The following ABCA9 variants were observed in gnomAD, a reference collection of about 807,000 sequenced individuals.
ABCA9 encodes ATP binding cassette subfamily A member 9.
A neutral mutation model predicts 205.3 loss-of-function variants in ABCA9; 183 were observed. The observed-to-expected ratio is 0.89, with a 90% CI of 0.79 to 1.01. The LOEUF (loss-of-function observed/expected upper bound fraction) is 1.01, where lower values mean the gene tolerates loss of function less well. Ranked by LOEUF, ABCA9 falls within the 50% of genes least tolerant of loss-of-function variation. The pLI, the probability that ABCA9 is intolerant of heterozygous loss-of-function variation, is 0.00. For missense variants in ABCA9, 1,805 were observed against 1,912.4 expected, an observed-to-expected ratio of 0.94 and a Z score of 1.05; for synonymous variants, 651 against 683.3, an observed-to-expected ratio of 0.95 and a Z score of 0.74.
Position 68,986,189 on chromosome 17 carries a change from C to T in ABCA9, c.4183G>A (p.Gly1395Arg). ...VYAAVKGLRK[G>R]DAMIAITRLV... ...CGTGTGATGGCGATCATTGCGTCCC[C>T]TTTCCTGAGACCTTTCACGGCAGCG... Residue 1395 changes from glycine (G) to arginine (R), a missense_variant, in exon 32 of 39, where the codon GGG (glycine) becomes AGG (arginine). By Grantham distance (125) the Gly-to-Arg change is moderately radical. Coordinates refer to ENST00000340001, the MANE Select transcript of ABCA9 (RefSeq NM_080283.4). The T allele has an allele frequency of 6.2e-7, 1 of 1,612,738 alleles. No homozygotes were observed. Among genetic ancestry groups the T allele is most frequent in the Non-Finnish European group, 8.5e-7 (1 of 1,179,388 alleles).
At chr17:69,068,597 A>G in the ABCA9 span, among the ~76,000 whole-genome samples, 1 of 152,208 alleles carries the variant, frequency 6.6e-6, no homozygotes, top group African/African-American at 2.4e-5. Context: ...GCAAAGGCTG[A>G]TTGACAAACC....
At chr17:69,067,746 C>T in the ABCA9 span, among the ~76,000 whole-genome samples, 9 of 152,186 alleles carry the variant, frequency 5.9e-5, no homozygotes, top group Admixed American at 5.9e-4. Flanking sequence ...TAAGCCTGGG[C>T]TCCTCAAACA....
At chr17:69,067,445 G>A in the ABCA9 span, among the ~76,000 whole-genome samples, 2 of 151,826 alleles carry the variant, frequency 1.3e-5, no homozygotes, top group African/African-American at 2.4e-5. Flanking sequence ...CTACTCTGGA[G>A]GCTGAGGTGG....
Position 69,035,230 on chromosome 17 carries a change from TTA to T in ABCA9, c.1128+14_1128+15del. 6.6e-7 allele frequency: 1 copy of T among 1,511,606 alleles called. No homozygotes were observed. The highest frequency in any genetic ancestry group is 1.4e-5 in the South Asian group (1 of 71,212). The allele number at this position is 1,511,606 out of a possible 1,614,324, so 93.6% of individuals were successfully genotyped here. On this transcript the variant is annotated intron_variant, in intron 8 of 38. Coordinates refer to ENST00000340001, the MANE Select transcript of ABCA9 (RefSeq NM_080283.4). ...GAACGGTTTGTAAAAAGTGAAAGTG[TTA>T]CCTTAACTCTTACCTGGGCCATCCC... is the stretch of plus-strand genomic sequence containing the variant.
chr17:68,995,648 A>G (rs2144065603), intron 26 of ABCA9, among the ~76,000 whole-genome samples: 1 of 152,222 alleles, frequency 6.6e-6, no homozygotes, highest in South Asian at 2.1e-4. Context: ...CCCAGCAGTG[A>G]GAGTTATCAT....
At chr17:69,060,231 G>T (rs1598423783) in intron 1 of ABCA9, among the ~76,000 whole-genome samples, 1 of 152,020 alleles carries the variant, frequency 6.6e-6, no homozygotes, top group Non-Finnish European at 1.5e-5. Context: ...AGCTTAAATT[G>T]TTCTGAATAG....
intron 31 of ABCA9, among the ~76,000 whole-genome samples, chr17:68,988,141 G>A (rs1020945731): frequency 6.6e-5 from 10 of 152,164 alleles, no homozygotes; most frequent in African/African-American, 2.4e-4. Flanking sequence ...AACCTCTGTA[G>A]CATTGAACGC....
At position 68,974,754 on chromosome 17, in the gene ABCA9, C is replaced by T. The variant is rs1289922029; in HGVS notation, c.*1161G>A. 1 of 151,856 alleles carries T rather than the reference C, an allele frequency of 6.6e-6. No individual in the cohort carries two copies. Among genetic ancestry groups the T allele is most frequent in the Non-Finnish European group, 1.5e-5 (1 of 67,984 alleles). The allele number at this position is 151,856 out of a possible 1,614,324, so 9.4% of individuals were successfully genotyped here. A position where few individuals can be genotyped will look rare whatever the true frequency, so the allele number is the denominator to read the frequency against. On this transcript the variant is annotated 3_prime_UTR_variant, in exon 39 of 39. Coordinates refer to ENST00000340001, the MANE Select transcript of ABCA9 (RefSeq NM_080283.4). ...TTTAATTATTTGCATAAGAGTATGC[C>T]CTTGCATCATAAGAAAACATATAAA...
intron 25 of ABCA9, among the ~76,000 whole-genome samples, chr17:68,996,261 C>G (rs574061948): frequency 6.6e-6 from 1 of 152,284 alleles, no homozygotes. Flanking sequence ...TCAGGTGAGA[C>G]TCTTGCTAAA....
chr17:68,995,291 T>A (rs1362804916), intron 26 of ABCA9, among the ~76,000 whole-genome samples: 1 of 152,188 alleles, frequency 6.6e-6, no homozygotes, highest in Non-Finnish European at 1.5e-5. Flanking sequence ...CCTGGCTCCA[T>A]CTCAAATGGA....
At chr17:69,036,655 G>T (rs2071347182) in intron 6 of ABCA9, among the ~76,000 whole-genome samples, 1 of 151,856 alleles carries the variant, frequency 6.6e-6, no homozygotes, top group Admixed American at 6.6e-5. Flanking sequence ...GCATCATGAT[G>T]ACAGGATCAA....
At chr17:68,986,134 C>T in intron 32 of ABCA9, 30 bp downstream of exon 32, 1 of 1,572,656 alleles carries the variant, frequency 6.4e-7, no homozygotes, top group Admixed American at 1.9e-5. Context: ...TCCCCTCCAG[C>T]AAAGGGGAGT....
At chr17:69,041,498 G>A (rs867396702) in intron 6 of ABCA9, among the ~76,000 whole-genome samples, 1 of 152,078 alleles carries the variant, frequency 6.6e-6, no homozygotes. Flanking sequence ...GAGGTCAGGA[G>A]TTCAAGACCA....
intron 9 of ABCA9, chr17:69,032,733 G>A (rs962512074): frequency 1.3e-5 from 2 of 154,834 alleles, no homozygotes; most frequent in African/African-American, 4.8e-5. Context: ...CCTCCATTTG[G>A]ATTAGATAAG....
At position 69,030,272 on chromosome 17, in the gene ABCA9, T is replaced by C. The variant is rs141345702; in HGVS notation, c.1446-1045A>G. On this transcript the variant is annotated intron_variant, in intron 10 of 38. Transcript: ENST00000340001. ...GGGAATTCCAAGATCAAGGTGTCAA[T>C]AGATTTGGCTTCTGATGAGGGCTCT... 3.9e-5 allele frequency among the ~76,000 whole-genome samples: 6 copies of C among 152,312 alleles called. No homozygotes were observed. The East Asian group carries it at 1.2e-3, about 29-fold the overall frequency.
chr17:69,046,219 A>C (rs1313931151), intron 3 of ABCA9, among the ~76,000 whole-genome samples: 3 of 152,166 alleles, frequency 2.0e-5, no homozygotes, highest in African/African-American at 7.2e-5. Flanking sequence ...TTTCCTTAAG[A>C]GACTTTGTTT....
chr17:68,998,762 C>G (rs1274857900), intron 25 of ABCA9, among the ~76,000 whole-genome samples: 1 of 150,860 alleles, frequency 6.6e-6, no homozygotes, highest in African/African-American at 2.4e-5. Flanking sequence ...GATTTTCAGC[C>G]TTTTTCAGAA....
chr17:69,052,020 G>C (rs546676504), intron 1 of ABCA9, among the ~76,000 whole-genome samples: 1 of 152,140 alleles, frequency 6.6e-6, no homozygotes, highest in Non-Finnish European at 1.5e-5. Context: ...TATTTTGTGT[G>C]CCACGAACTT....
intron 6 of ABCA9, among the ~76,000 whole-genome samples, chr17:69,037,038 A>C (rs1389401520): frequency 1.3e-5 from 2 of 152,138 alleles, no homozygotes; most frequent in Non-Finnish European, 2.9e-5. Context: ...ATAGGCACCC[A>C]ATACAGGAGC....
Sources: allele counts gnomAD v4.1 joint callset (sites outside exome capture counted in the v4.1 genomes callset), GRCh38; gene constraint gnomAD v4.1.1; transcripts MANE v1.5; gene names NCBI Gene and HGNC (gene_info 2026-07-23, HGNC 2026-07-21).